PGM1: variants seen among roughly 807,000 people sequenced by gnomAD.
PGM1 encodes the protein phosphoglucomutase 1.
Under a neutral mutation model 55.6 loss-of-function variants are expected in PGM1, and 52 were observed. The observed-to-expected ratio is 0.94, with a 90% CI of 0.75 to 1.18. The LOEUF (loss-of-function observed/expected upper bound fraction) is 1.18, where lower values mean the gene tolerates loss of function less well. Ranked by LOEUF, PGM1 falls within the 50% of genes most tolerant of loss-of-function variation. PGM1 has a pLI of 0.00. For synonymous variants in PGM1, 287 were observed against 271.7 expected, an observed-to-expected ratio of 1.06 and a Z score of -0.55; for missense variants, 724 against 729.3, an observed-to-expected ratio of 0.99 and a Z score of 0.08.
intron 10 of PGM1, among the ~76,000 whole-genome samples, chr1:63,654,940 C>T (rs7533164): frequency 0.025 from 3,805 of 150,626 alleles, 146 homozygotes; most frequent in African/African-American, 0.089. Flanking sequence ...AATAGGTTTA[C>T]ATGCCTAGTA....
At chr1:63,656,656 C>T (rs1354030004) in intron 10 of PGM1, among the ~76,000 whole-genome samples, 1 of 151,666 alleles carries the variant, frequency 6.6e-6, no homozygotes, top group African/African-American at 2.4e-5. Flanking sequence ...AAACCAAAAT[C>T]TTGCCAATCT....
At chr1:63,597,457 A>G (rs1648111760) in intron 1 of PGM1, among the ~76,000 whole-genome samples, 1 of 152,194 alleles carries the variant, frequency 6.6e-6, no homozygotes, top group South Asian at 2.1e-4. Context: ...TGTGTTATCA[A>G]TGTTTTGTTG....
chr1:63,641,976 A>G (rs1649530227), intron 7 of PGM1, among the ~76,000 whole-genome samples: 2 of 152,318 alleles, frequency 1.3e-5, no homozygotes, highest in Non-Finnish European at 2.9e-5. Flanking sequence ...TGCTGGAACC[A>G]TAGTGACTGG....
At chr1:63,644,044 AG>A (rs1649590422) in intron 7 of PGM1, among the ~76,000 whole-genome samples, 1 of 152,222 alleles carries the variant, frequency 6.6e-6, no homozygotes, top group African/African-American at 2.4e-5. Context: ...TGGCAGGGGC[AG>A]AAGCCAGGAC....
chr1:63,651,678 CGAG>C lies in PGM1; in HGVS notation c.1295_1297del (p.Glu432del). On this transcript the variant is annotated inframe_deletion, in exon 9 of 11. Coordinates refer to ENST00000371084, the MANE Select transcript of PGM1 (RefSeq NM_002633.3). ...TCGTGACTTCTTCCAGGTATGATTA[CGAG>C]GAGGTGGAAGCTGAGGGCGCAAACA... 1 of 1,613,466 alleles carries C rather than the reference CGAG, an allele frequency of 6.2e-7. No homozygotes were observed. The highest frequency in any genetic ancestry group is 8.5e-7 in the Non-Finnish European group (1 of 1,179,640).
intron 1 of PGM1, among the ~76,000 whole-genome samples, chr1:63,616,883 A>G (rs1298398387): frequency 1.3e-5 from 2 of 152,210 alleles, no homozygotes; most frequent in Admixed American, 1.3e-4. Context: ...TAAAATGCAC[A>G]TAGCCAATGG....
At chr1:63,619,749 G>A (rs1648835738) in intron 1 of PGM1, among the ~76,000 whole-genome samples, 1 of 152,098 alleles carries the variant, frequency 6.6e-6, no homozygotes, top group African/African-American at 2.4e-5. Flanking sequence ...CCGCAGCTCT[G>A]TAAACACACC....
chr1:63,659,563 G>A, intron 10 of PGM1, 23 bp from the exon 11 acceptor site: 1 of 1,589,142 alleles, frequency 6.3e-7, no homozygotes, highest in Non-Finnish European at 8.6e-7. Flanking sequence ...TGATGGAAAA[G>A]CTTCTCTCTA....
rs180721142 is a variant in PGM1 at position 63,637,397 on chromosome 1, G to A, written c.1028+1009G>A. 3.0e-3 allele frequency among the ~76,000 whole-genome samples: 453 copies of A among 152,320 alleles called. 2 individuals carry two copies. Among genetic ancestry groups the A allele is most frequent in the African/African-American group, 0.01 (425 of 41,580 alleles). On this transcript the variant is annotated intron_variant, in intron 6 of 10. Coordinates refer to ENST00000371084, the MANE Select transcript of PGM1 (RefSeq NM_002633.3). Reference sequence around the variant, plus strand: ...CCCAGAGCCTTTGCTCCCACTCACTGGGCCATGCAGTTGTTTTCTGTAGAG... The same window carrying A: ...CCCAGAGCCTTTGCTCCCACTCACTAGGCCATGCAGTTGTTTTCTGTAGAG...
intron 8 of PGM1, among the ~76,000 whole-genome samples, chr1:63,650,612 CGA>C (rs1649782697): frequency 6.6e-6 from 1 of 152,114 alleles, no homozygotes; most frequent in Non-Finnish European, 1.5e-5. Context: ...ATCTATTTCA[CGA>C]TTACAAATAA....
chr1:63,645,238 A>G (rs1049541392), intron 7 of PGM1, among the ~76,000 whole-genome samples: 1 of 152,244 alleles, frequency 6.6e-6, no homozygotes, highest in Non-Finnish European at 1.5e-5. Flanking sequence ...GTTATCTCCA[A>G]GTAACTTGGC....
chr1:63,629,356 G>A lies in PGM1; in HGVS notation c.247-69G>A, dbSNP rs1480903071. Reference sequence around the variant, plus strand: ...TTTTGTCCATCTGCCTGTTGTCTTGGTGTTGTTTCTGAGCGGTGACTCTGG... The same window carrying A: ...TTTTGTCCATCTGCCTGTTGTCTTGATGTTGTTTCTGAGCGGTGACTCTGG... On this transcript the variant is annotated intron_variant, in intron 1 of 10. Transcript: ENST00000371084. 7 of 1,287,762 alleles carry A rather than the reference G, an allele frequency of 5.4e-6. No homozygotes were observed. The East Asian group carries it at 1.4e-4, about 25-fold the overall frequency. 79.8% of individuals were successfully genotyped at this position (1,287,762 alleles called of 1,614,324 possible). A position where few individuals can be genotyped will look rare whatever the true frequency, so the allele number is the denominator to read the frequency against.
intron 4 of PGM1, among the ~76,000 whole-genome samples, chr1:63,633,948 T>A (rs1337625294): frequency 1.2e-3 from 136 of 112,516 alleles, no homozygotes; most frequent in African/African-American, 1.6e-3. Flanking sequence ...TTTTTTTTTT[T>A]TTTTTTTTTT....
intron 1 of PGM1, among the ~76,000 whole-genome samples, chr1:63,624,829 C>G (rs539339667): frequency 1.3e-5 from 2 of 152,270 alleles, no homozygotes; most frequent in South Asian, 2.1e-4. Flanking sequence ...AAATGTACCA[C>G]CACACTAAAT....
intron 7 of PGM1, among the ~76,000 whole-genome samples, chr1:63,639,510 T>C (rs1261854335): frequency 1.3e-5 from 2 of 152,006 alleles, no homozygotes; most frequent in Non-Finnish European, 2.9e-5. Context: ...TGCTACCTCA[T>C]GCTGCCTGTA....
At chr1:63,599,090 G>C (rs907693035) in intron 1 of PGM1, among the ~76,000 whole-genome samples, 2 of 152,218 alleles carry the variant, frequency 1.3e-5, no homozygotes, top group African/African-American at 4.8e-5. Context: ...GTTGGAGTTA[G>C]GTGGAGACAC....
chr1:63,601,870 G>T (rs184825357), intron 1 of PGM1, among the ~76,000 whole-genome samples: 5 of 152,288 alleles, frequency 3.3e-5, no homozygotes, highest in Admixed American at 2.0e-4. Flanking sequence ...CATAAAGACA[G>T]CCCTGAATTA....
chr1:63,651,433 GT>G (rs1452874487), intron 8 of PGM1: 3 of 519,466 alleles, frequency 5.8e-6, no homozygotes, highest in African/African-American at 5.8e-5. Context: ...CAAGATGGGT[GT>G]TTTCTGCTTA....
At chr1:63,593,777 T>G in intron 1 of PGM1, 43 bp downstream of exon 1, 1 of 1,529,428 alleles carries the variant, frequency 6.5e-7, no homozygotes, top group Non-Finnish European at 8.7e-7. Context: ...CCCTGGCGCG[T>G]GTGCGACGTG....
Sources: gnomAD v4.1 joint callset for allele counts (sites outside exome capture counted in the v4.1 genomes callset) on GRCh38, gnomAD v4.1.1 for gene constraint, MANE v1.5 for transcripts, NCBI Gene and HGNC (gene_info 2026-07-23, HGNC 2026-07-21) for gene names.